Variants in PHAF1 observed in about 807,000 individuals in gnomAD.
PHAF1 encodes the protein phagophore assembly factor 1, also known as phagosome assembly factor 1.
PHAF1 carries 23 observed loss-of-function variants against 63.1 expected under a neutral mutation model. That is an observed-to-expected ratio of 0.36 (90% CI 0.26 to 0.52). The LOEUF (loss-of-function observed/expected upper bound fraction) is 0.52. PHAF1 is among the 20% of genes least tolerant of loss of function. The pLI is 0.93. For missense variants in PHAF1, 427 were observed against 517.2 expected (o/e 0.83, Z 1.69); for synonymous variants, 167 against 185.0 (o/e 0.90, Z 0.79).
intron 2 of PHAF1, among the ~76,000 whole-genome samples, chr16:67,121,800 G>A (rs1567641068): frequency 6.6e-6 from 1 of 151,794 alleles, no homozygotes; most frequent in Non-Finnish European, 1.5e-5. Flanking sequence ...GGCTGGTCTC[G>A]AACTCCTGAC....
At chr16:67,139,921 C>G in intron 8 of PHAF1, 63 bp from the exon 9 acceptor site, 2 of 1,590,648 alleles carry the variant, frequency 1.3e-6, no homozygotes, top group Non-Finnish European at 1.7e-6. Context: ...TTCTCTGGGG[C>G]CCCCAGAGAG....
At chr16:67,132,670 T>C (rs780508699) in intron 5 of PHAF1, 145 bp downstream of exon 5, 4 of 1,191,366 alleles carry the variant, frequency 3.4e-6, no homozygotes, top group Non-Finnish European at 5.0e-6. Context: ...GGAAACATCC[T>C]CCCCCTTGTT....
intron 8 of PHAF1, chr16:67,135,421 C>G (rs1963570943): frequency 6.6e-6 from 1 of 152,162 alleles, no homozygotes; most frequent in South Asian, 2.1e-4. Flanking sequence ...GCTGGGATTA[C>G]AGGCGTGAGC....
At chr16:67,119,819 C>T (rs1314528543) in intron 1 of PHAF1, among the ~76,000 whole-genome samples, 3 of 151,902 alleles carry the variant, frequency 2.0e-5, no homozygotes, top group African/African-American at 4.8e-5. Flanking sequence ...TAAGCCACCA[C>T]GCCCGGCCCA....
intron 8 of PHAF1, among the ~76,000 whole-genome samples, chr16:67,139,030 C>T (rs1963705198): frequency 6.6e-6 from 1 of 151,862 alleles, no homozygotes; most frequent in African/African-American, 2.4e-5. Flanking sequence ...GTGATCCTCC[C>T]ACCTTAGCCT....
rs906190822 is a variant in PHAF1 at position 67,116,410 on chromosome 16, T to G, written c.65-3702T>G. Among the ~76,000 whole-genome samples, 18 of 152,236 alleles carry G rather than the reference T, an allele frequency of 1.2e-4. 1 individual carries two copies. The highest frequency in any genetic ancestry group is 1.5e-5 in the Non-Finnish European group (1 of 68,034). On this transcript the variant is annotated intron_variant, in intron 1 of 15. Coordinates refer to ENST00000219139, the MANE Select transcript of PHAF1 (RefSeq NM_025187.5). ...AATTCTTCATTTGTCAGCTCTTTTT[T>G]GCATATCGCATCTCTTTGACCTGGA...
chr16:67,131,739 A>G lies in PHAF1; in HGVS notation c.275+410A>G, dbSNP rs146573129. ...TGCTGAAGAGAATGCCAAAGAGACCACCATTTTAGAGCTATAATGTATTTT... is the reference window on the plus strand; with the variant it reads ...TGCTGAAGAGAATGCCAAAGAGACCGCCATTTTAGAGCTATAATGTATTTT... On this transcript the variant is annotated intron_variant, in intron 4 of 15. Coordinates refer to ENST00000219139, the MANE Select transcript of PHAF1 (RefSeq NM_025187.5). Among the ~76,000 whole-genome samples, 35 of 152,346 alleles carry G rather than the reference A, an allele frequency of 2.3e-4. 1 individual carries two copies. The East Asian group carries it at 6.7e-3, about 29-fold the overall frequency.
chr16:67,117,932 G>C (rs936152349), intron 1 of PHAF1, among the ~76,000 whole-genome samples: 3 of 150,568 alleles, frequency 2.0e-5, no homozygotes, highest in African/African-American at 7.3e-5. Flanking sequence ...GGGATGACAG[G>C]GGCACACCAT....
intron 8 of PHAF1, 68 bp downstream of exon 8, chr16:67,134,535 C>T (rs948966896): frequency 4.7e-5 from 62 of 1,314,870 alleles, no homozygotes; most frequent in Non-Finnish European, 5.3e-5. Flanking sequence ...TAAAATCCCA[C>T]GTGCTTAGGG....
At chr16:67,111,077 G>A (rs1962495782) in intron 1 of PHAF1, among the ~76,000 whole-genome samples, 1 of 152,292 alleles carries the variant, frequency 6.6e-6, no homozygotes, top group African/African-American at 2.4e-5. Flanking sequence ...GCCTCCCAAA[G>A]TGCTGGGATT....
intron 10 of PHAF1, 85 bp downstream of exon 10, chr16:67,140,679 T>C: frequency 9.1e-7 from 1 of 1,096,736 alleles, no homozygotes; most frequent in Non-Finnish European, 1.4e-6. Context: ...CACATGCAGC[T>C]GGAACCATGC....
chr16:67,133,697 G>C (rs933904813), intron 6 of PHAF1, among the ~76,000 whole-genome samples: 3 of 151,086 alleles, frequency 2.0e-5, no homozygotes, highest in African/African-American at 7.3e-5. Context: ...GGAGAATGGC[G>C]TGAACCCGGG....
chr16:67,118,123 ATTTTTTTTT>A (rs772394136), intron 1 of PHAF1, among the ~76,000 whole-genome samples: 1 of 120,950 alleles, frequency 8.3e-6, no homozygotes, highest in Non-Finnish European at 1.7e-5. Flanking sequence ...CGCCCGGCTA[ATTTTTTTTT>A]TTTTTTTTTT....
intron 3 of PHAF1, among the ~76,000 whole-genome samples, chr16:67,128,876 C>T (rs1045362727): frequency 1.3e-5 from 2 of 152,184 alleles, no homozygotes; most frequent in African/African-American, 2.4e-5. Context: ...GGTCGAAGCA[C>T]CTATATGTGT....
At chr16:67,139,145 C>T (rs887524293) in intron 8 of PHAF1, among the ~76,000 whole-genome samples, 8 of 151,896 alleles carry the variant, frequency 5.3e-5, no homozygotes, top group African/African-American at 1.9e-4. Flanking sequence ...TGGTCTTGAA[C>T]GCCTGAGCTC....
chr16:67,120,298 C>A, intron 2 of PHAF1, 104 bp downstream of exon 2: 3 of 1,018,826 alleles, frequency 2.9e-6, no homozygotes, highest in South Asian at 1.5e-5. Flanking sequence ...TAGCTGTGTT[C>A]GAATGGGAGA....
chr16:67,120,801 T>G (rs1426075481), intron 2 of PHAF1, among the ~76,000 whole-genome samples: 2 of 152,040 alleles, frequency 1.3e-5, no homozygotes, highest in Non-Finnish European at 2.9e-5. Flanking sequence ...CTAAAGGATG[T>G]CCCCAGTGAC....
At position 67,146,160 on chromosome 16, in the gene PHAF1, ACACT is replaced by A. The variant is rs925500811; in HGVS notation, c.1110-114_1110-111del. ...GCAGGCCTGTGTGGGAAACAGACAG[ACACT>A]CACAGCCATGAGAGACTACTGGCCA... On this transcript the variant is annotated intron_variant, in intron 14 of 15. Transcript: ENST00000219139. The A allele has an allele frequency of 5.9e-5, 54 of 916,120 alleles. No homozygotes were observed. In the African/African-American group the frequency reaches 6.6e-4, roughly 11 times the overall value. The allele number at this position is 916,120 out of a possible 1,614,324, so 56.7% of individuals were successfully genotyped here. A position where few individuals can be genotyped will look rare whatever the true frequency, so the allele number is the denominator to read the frequency against.
At chr16:67,125,670 G>A (rs2145845165) in intron 2 of PHAF1, among the ~76,000 whole-genome samples, 1 of 152,288 alleles carries the variant, frequency 6.6e-6, no homozygotes, top group East Asian at 1.9e-4. Context: ...AGAATGACCT[G>A]TATACTCATA....
Sources: allele counts gnomAD v4.1 joint callset (sites outside exome capture counted in the v4.1 genomes callset), GRCh38; gene constraint gnomAD v4.1.1; transcripts MANE v1.5; gene names NCBI Gene and HGNC (gene_info 2026-07-23, HGNC 2026-07-21).